Variants in PLEKHM3 observed in about 807,000 individuals in gnomAD.
PLEKHM3 encodes the protein pleckstrin homology domain containing M3.
A neutral mutation model predicts 81.8 loss-of-function variants in PLEKHM3; 45 were observed. That is an observed-to-expected ratio of 0.55 (90% CI 0.43 to 0.71). PLEKHM3 has a LOEUF of 0.71. PLEKHM3 is among the 30% of genes least tolerant of loss of function. The pLI, the probability that PLEKHM3 is intolerant of heterozygous loss-of-function variation, is 0.00. For synonymous variants in PLEKHM3, 352 were observed against 356.4 expected, an observed-to-expected ratio of 0.99 and a Z score of 0.14; for missense variants, 788 against 924.3, an observed-to-expected ratio of 0.85 and a Z score of 1.91.
rs1179573125 is a variant in PLEKHM3 at position 207,974,321 on chromosome 2, T to TA, written c.1546+2329dup. Among the ~76,000 whole-genome samples the TA allele has an allele frequency of 2.0e-5, 3 of 152,210 alleles. No homozygotes were observed. The East Asian group carries it at 5.8e-4, about 29-fold the overall frequency. ...ATGAGCTTGCTGAATGGCACCTTCT[T>TA]ACCTACATTTCTCCTTCCTCTTGAG... On this transcript the variant is annotated intron_variant, in intron 3 of 7. Coordinates refer to ENST00000427836, the MANE Select transcript of PLEKHM3 (RefSeq NM_001080475.3).
At chr2:207,922,147 T>C (rs543694926) in intron 5 of PLEKHM3, among the ~76,000 whole-genome samples, 2 of 152,326 alleles carry the variant, frequency 1.3e-5, no homozygotes, top group East Asian at 3.9e-4. Flanking sequence ...CTGGTGGTTG[T>C]TATTTTCTAT....
At chr2:208,024,807 G>A (rs1487971482) in intron 1 of PLEKHM3, among the ~76,000 whole-genome samples, 2 of 152,174 alleles carry the variant, frequency 1.3e-5, no homozygotes, top group African/African-American at 4.8e-5. Flanking sequence ...GTCTTGCTTT[G>A]CAAGGTATAC....
In PLEKHM3 at chr2:207,886,957, G is replaced by A. The variant is rs1482440237; in HGVS notation, c.1950+21557C>T. ...GAGTAATTTACCTTCTGTGCCTAAG[G>A]TTTTCATCTACGAAATGGGGAAAAT... is the stretch of plus-strand genomic sequence containing the variant. On this transcript the variant is annotated intron_variant, in intron 6 of 7. Transcript: ENST00000427836. Among the ~76,000 whole-genome samples, 4 of 152,246 alleles carry A rather than the reference G, an allele frequency of 2.6e-5. No individual in the cohort carries two copies. The East Asian group carries it at 7.7e-4, about 29-fold the overall frequency.
At chr2:207,834,613 T>C (rs12694092) in intron 7 of PLEKHM3, among the ~76,000 whole-genome samples, 148,291 of 150,962 alleles carry the variant, frequency 0.98, 72,887 homozygotes, top group Non-Finnish European at 1. Context: ...TTAGTAGAGA[T>C]GAGGTTTCTC....
In PLEKHM3 at chr2:207,931,070, A is replaced by C; in HGVS notation, c.1742T>G (p.Leu581Arg). Residue 581 changes from leucine to arginine, a missense_variant, in exon 5 of 8, where the codon CTC (leucine) becomes CGC (arginine). Transcript: ENST00000427836. Reference protein sequence around the residue: ...EFLEYVYEEPLIDIQQENAML... With the variant: ...EFLEYVYEEPRIDIQQENAML... Reference sequence around the variant, plus strand: ...GGCGTTCTCCTGCTGGATGTCGATGAGCGGCTCTTCGTACACGTACTCCAG... The same window carrying C: ...GGCGTTCTCCTGCTGGATGTCGATGCGCGGCTCTTCGTACACGTACTCCAG... 6.2e-7 allele frequency: 1 copy of C among 1,614,022 alleles called. No homozygotes were observed. Among genetic ancestry groups the C allele is most frequent in the Non-Finnish European group, 8.5e-7 (1 of 1,179,918 alleles).
Position 208,001,430 on chromosome 2 carries a change from G to T in PLEKHM3, c.210C>A (p.Gly70=). The stretch of plus-strand genomic sequence containing the variant: ...TGCTCTTACAGTGGTCCCAAATCAT[G>T]CCCCCCTTGCCCAGGGAGGTGACAT... ...MRNVTSLGKG[G]MIWDHCKSRL... The change falls in exon 2 of 8, where the codon GGC becomes GGA. Residue 70 remains glycine (G), a synonymous_variant. Transcript: ENST00000427836. 2 of 1,614,100 alleles carry T rather than the reference G, an allele frequency of 1.2e-6. No individual in the cohort carries two copies. Among genetic ancestry groups the T allele is most frequent in the East Asian group, 4.5e-5 (2 of 44,886 alleles).
intron 4 of PLEKHM3, among the ~76,000 whole-genome samples, chr2:207,937,110 G>GC (rs769939473): frequency 2.0e-5 from 3 of 152,006 alleles, no homozygotes; most frequent in Admixed American, 6.6e-5. Flanking sequence ...ATGTACGCAC[G>GC]CCCCCTTTTA....
intron 6 of PLEKHM3, among the ~76,000 whole-genome samples, chr2:207,893,352 T>C (rs540832832): frequency 1.3e-3 from 199 of 152,290 alleles, no homozygotes; most frequent in Admixed American, 2.2e-3. Flanking sequence ...GGGCTGCTAA[T>C]TCCTTTTGTG....
chr2:207,858,142 G>GTGTGTA (rs1438232265), intron 7 of PLEKHM3, among the ~76,000 whole-genome samples: 2 of 84,546 alleles, frequency 2.4e-5, no homozygotes, highest in Non-Finnish European at 5.3e-5. Context: ...AGATATGTGT[G>GTGTGTA]TGTGTGTGTG....
At chr2:207,889,259 C>T (rs888700713) in intron 6 of PLEKHM3, among the ~76,000 whole-genome samples, 11 of 152,012 alleles carry the variant, frequency 7.2e-5, no homozygotes, top group Non-Finnish European at 1.0e-4. Flanking sequence ...GCCGTGACTT[C>T]CTATTGAAAG....
intron 6 of PLEKHM3, among the ~76,000 whole-genome samples, chr2:207,886,639 T>A (rs1257909051): frequency 6.6e-6 from 1 of 152,104 alleles, no homozygotes; most frequent in African/African-American, 2.4e-5. Flanking sequence ...AAAAGGGAGA[T>A]CAGCAGGTGT....
intron 4 of PLEKHM3, among the ~76,000 whole-genome samples, chr2:207,938,745 A>G (rs1414867428): frequency 6.6e-6 from 1 of 152,246 alleles, no homozygotes; most frequent in Non-Finnish European, 1.5e-5. Flanking sequence ...GATTTTCCTC[A>G]TGTGCAACAC....
intron 1 of PLEKHM3, among the ~76,000 whole-genome samples, chr2:208,003,097 G>C (rs529850691): frequency 3.3e-5 from 5 of 152,148 alleles, no homozygotes; most frequent in Non-Finnish European, 7.4e-5. Context: ...ATCGAATCGT[G>C]GGGGCAGGTC....
Position 207,893,679 on chromosome 2 carries a change from G to C in PLEKHM3, c.1950+14835C>G, listed in dbSNP as rs1688134151. ...CACACATATATATGCATGACAGAGAGAGAGAGAAAGAGAGAAGCTCTCTCT... is the reference window on the plus strand; with the variant it reads ...CACACATATATATGCATGACAGAGACAGAGAGAAAGAGAGAAGCTCTCTCT... On this transcript the variant is annotated intron_variant, in intron 6 of 7. Coordinates refer to ENST00000427836, the MANE Select transcript of PLEKHM3 (RefSeq NM_001080475.3). 3.3e-5 allele frequency among the ~76,000 whole-genome samples: 5 copies of C among 152,120 alleles called. No individual in the cohort carries two copies. In the South Asian group the frequency reaches 1.0e-3, roughly 32 times the overall value.
chr2:207,863,151 A>G (rs998998833), intron 6 of PLEKHM3, among the ~76,000 whole-genome samples: 2 of 152,254 alleles, frequency 1.3e-5, no homozygotes, highest in Non-Finnish European at 2.9e-5. Context: ...GTCCAAGGCC[A>G]TGCTTGGTGC....
At chr2:207,861,064 A>G (rs1469420783) in intron 7 of PLEKHM3, 41 bp downstream of exon 7, 1 of 1,600,202 alleles carries the variant, frequency 6.2e-7, no homozygotes, top group Admixed American at 1.7e-5. Context: ...ATGGCATATT[A>G]CACATTTGGG....
intron 1 of PLEKHM3, among the ~76,000 whole-genome samples, chr2:208,022,498 A>G (rs961019065): frequency 1.3e-5 from 2 of 152,122 alleles, no homozygotes; most frequent in African/African-American, 2.4e-5. Flanking sequence ...GCTTATTGGG[A>G]TTGTTGACAG....
rs869041855 is a variant in PLEKHM3 at position 207,923,905 on chromosome 2, A to AT, written c.1886+7020dup. Among the ~76,000 whole-genome samples the AT allele has an allele frequency of 3.7e-3, 104 of 28,340 alleles. 6 individuals are homozygous for AT. Among genetic ancestry groups the AT allele is most frequent in the African/African-American group, 7.3e-3 (59 of 8,072 alleles). The allele number at this position is 28,340 out of a possible 152,430, so 18.6% of individuals were successfully genotyped here. A position where few individuals can be genotyped will look rare whatever the true frequency, so the allele number is the denominator to read the frequency against. Reference sequence around the variant, plus strand: ...CATATATATATATATATATATATATATTTTTTTTTTTTTTTTTTTCTGAGG... The same window carrying AT: ...CATATATATATATATATATATATATATTTTTTTTTTTTTTTTTTTTCTGAGG... On this transcript the variant is annotated intron_variant, in intron 5 of 7. Transcript: ENST00000427836.
intron 6 of PLEKHM3, among the ~76,000 whole-genome samples, chr2:207,890,091 C>T (rs184717142): frequency 9.8e-5 from 15 of 152,288 alleles, no homozygotes; most frequent in South Asian, 6.2e-4. Context: ...AGGTGTGAGC[C>T]ACCGTCCCCT....
Sources: allele counts gnomAD v4.1 joint callset (sites outside exome capture counted in the v4.1 genomes callset), GRCh38; gene constraint gnomAD v4.1.1; transcripts MANE v1.5; gene names NCBI Gene and HGNC (gene_info 2026-07-23, HGNC 2026-07-21).